The following ARHGEF4 variants were observed in gnomAD, a reference collection of about 807,000 sequenced individuals.
ARHGEF4 encodes APC-stimulated guanine nucleotide exchange factor 1.
ARHGEF4 carries 119 observed loss-of-function variants against 162.0 expected under a neutral mutation model. The observed-to-expected ratio is 0.73, with a 90% CI of 0.63 to 0.86. The LOEUF (loss-of-function observed/expected upper bound fraction) is 0.86. Among genes scored for constraint, ARHGEF4 ranks in the 40% least tolerant of loss-of-function variants. ARHGEF4 has a pLI of 0.00. For synonymous variants in ARHGEF4, 1,014 were observed against 979.9 expected (o/e 1.03, Z -0.65); for missense variants, 2,488 against 2,456.0 (o/e 1.01, Z -0.28).
chr2:130,999,159 T>C (rs1356846302), intron 4 of ARHGEF4, among the ~76,000 whole-genome samples: 1 of 150,404 alleles, frequency 6.6e-6, no homozygotes, highest in Non-Finnish European at 1.5e-5. Context: ...TTTTGTTTTT[T>C]CTTTTTTTTT....
At chr2:131,042,698 CAA>C (rs1690911757) in intron 10 of ARHGEF4, among the ~76,000 whole-genome samples, 1 of 152,224 alleles carries the variant, frequency 6.6e-6, no homozygotes, top group Non-Finnish European at 1.5e-5. Flanking sequence ...CGGGGCTGAG[CAA>C]TAGGGGCAGT....
At chr2:130,922,194 AC>A (rs2105075092) in intron 2 of ARHGEF4, among the ~76,000 whole-genome samples, 1 of 151,606 alleles carries the variant, frequency 6.6e-6, no homozygotes, top group East Asian at 2.0e-4. Flanking sequence ...ACATGGAGAA[AC>A]CCTGTCTCTA....
intron 4 of ARHGEF4, among the ~76,000 whole-genome samples, chr2:130,947,744 C>A (rs1243301603): frequency 6.6e-6 from 1 of 152,188 alleles, no homozygotes; most frequent in African/African-American, 2.4e-5. Flanking sequence ...GTAGAACAAC[C>A]ACCTTCCTCA....
intron 4 of ARHGEF4, among the ~76,000 whole-genome samples, chr2:130,954,324 G>A (rs184557476): frequency 4.8e-4 from 73 of 152,266 alleles, no homozygotes; most frequent in African/African-American, 1.7e-3. Flanking sequence ...AACACTGCAT[G>A]TTCTCACTCA....
chr2:130,925,859 C>A (rs998743076), intron 2 of ARHGEF4, among the ~76,000 whole-genome samples: 2 of 152,084 alleles, frequency 1.3e-5, no homozygotes, highest in South Asian at 2.1e-4. Context: ...GGGTTTATAT[C>A]TTTGGCCAAA....
In ARHGEF4 at chr2:131,000,672, G is replaced by C. The variant is rs1687702045; in HGVS notation, c.3986-27273G>C. On this transcript the variant is annotated intron_variant, in intron 4 of 13. Transcript: ENST00000409359. ...TTTTACCATTATGTGTACATTTTTAGGAGTTGACGTATTTTATCTAGGTTT... is the reference window on the plus strand; with the variant it reads ...TTTTACCATTATGTGTACATTTTTACGAGTTGACGTATTTTATCTAGGTTT... 2.6e-5 allele frequency among the ~76,000 whole-genome samples: 4 copies of C among 152,140 alleles called. No individual in the cohort carries two copies. The South Asian group carries it at 6.2e-4, about 24-fold the overall frequency.
chr2:130,993,211 A>G (rs1351701489), intron 4 of ARHGEF4, among the ~76,000 whole-genome samples: 1 of 152,224 alleles, frequency 6.6e-6, no homozygotes, highest in Non-Finnish European at 1.5e-5. Context: ...ATTATCATTC[A>G]GTTTGAATAT....
At chr2:130,988,910 A>C (rs1287876233) in intron 4 of ARHGEF4, among the ~76,000 whole-genome samples, 1 of 127,688 alleles carries the variant, frequency 7.8e-6, no homozygotes, top group African/African-American at 2.9e-5. Flanking sequence ...ATAGAGAGAG[A>C]GAGAGAGAGA....
chr2:130,916,529 G>C lies in ARHGEF4; in HGVS notation c.2583G>C (p.Pro861=). The C allele has an allele frequency of 1.3e-6, 2 of 1,549,666 alleles. No individual in the cohort carries two copies. Reference sequence around the variant, plus strand: ...CCAGCGCCTGGCCCGAGTTTGTCCCGCAGGCTGCAGGCGACAGGACTGCAG... The same window carrying C: ...CCAGCGCCTGGCCCGAGTTTGTCCCCCAGGCTGCAGGCGACAGGACTGCAG... ...GDASAWPEFV[P]QAAGDRTAGP... Residue 861 remains proline (P), a synonymous_variant, in exon 2 of 14, where the codon CCG becomes CCC. Coordinates refer to ENST00000409359, the MANE Select transcript of ARHGEF4 (RefSeq NM_001367493.1).
intron 1 of ARHGEF4, among the ~76,000 whole-genome samples, chr2:130,867,920 T>C (rs980515251): frequency 3.3e-5 from 5 of 150,922 alleles, no homozygotes; most frequent in Admixed American, 2.0e-4. Context: ...GATGTGTTTT[T>C]TTCTTTTTTT....
intron 4 of ARHGEF4, among the ~76,000 whole-genome samples, chr2:130,954,936 G>A (rs950294887): frequency 1.3e-5 from 2 of 150,626 alleles, no homozygotes; most frequent in African/African-American, 4.9e-5. Flanking sequence ...ACTTAATAGT[G>A]TCCTACACTT....
At chr2:130,849,656 C>G (rs978071785) in intron 1 of ARHGEF4, among the ~76,000 whole-genome samples, 11 of 151,902 alleles carry the variant, frequency 7.2e-5, no homozygotes, top group Non-Finnish European at 1.3e-4. Flanking sequence ...GCAACCTCCT[C>G]CTCCCAGGTT....
intron 1 of ARHGEF4, among the ~76,000 whole-genome samples, chr2:130,854,393 C>T (rs1244613017): frequency 1.3e-5 from 2 of 152,160 alleles, no homozygotes; most frequent in African/African-American, 4.8e-5. Context: ...GGTGGGCACA[C>T]CCTGGGGAAG....
At chr2:131,003,387 TC>T (rs1687906633) in intron 4 of ARHGEF4, among the ~76,000 whole-genome samples, 1 of 152,244 alleles carries the variant, frequency 6.6e-6, no homozygotes, top group Non-Finnish European at 1.5e-5. Context: ...TCCAGTTTCT[TC>T]CTTCTTGATC....
Position 131,040,129 on chromosome 2 carries a change from C to G in ARHGEF4, c.4419C>G (p.Asn1473Lys). The change falls in exon 7 of 14, where the codon AAC (asparagine) becomes AAG (lysine). Residue 1473 changes from asparagine (N) to lysine (K), a missense_variant. Asn to Lys is a moderately conservative substitution (Grantham distance 94, BLOSUM62 0). Coordinates refer to ENST00000409359, the MANE Select transcript of ARHGEF4 (RefSeq NM_001367493.1). ...GCAGCAAGGACCAGATGCGGACCAA[C>G]GTCATCAACGAGATCCTCAGCACTG... ...AQSSKDQMRTNVINEILSTER... is the reference protein window; with the variant it reads ...AQSSKDQMRTKVINEILSTER... 6.2e-7 allele frequency: 1 copy of G among 1,613,298 alleles called. No homozygotes were observed. Among genetic ancestry groups the G allele is most frequent in the Non-Finnish European group, 8.5e-7 (1 of 1,179,736 alleles).
At chr2:130,993,870 G>C (rs1217555999) in intron 4 of ARHGEF4, among the ~76,000 whole-genome samples, 1 of 152,020 alleles carries the variant, frequency 6.6e-6, no homozygotes, top group African/African-American at 2.4e-5. Flanking sequence ...TGCAGCCTCT[G>C]CCTCCCAGGT....
At chr2:130,944,089 G>T (rs1369606334) in intron 3 of ARHGEF4, among the ~76,000 whole-genome samples, 1 of 152,156 alleles carries the variant, frequency 6.6e-6, no homozygotes, top group Non-Finnish European at 1.5e-5. Flanking sequence ...CAGTGATTTA[G>T]CACTTTACAA....
At position 131,040,402 on chromosome 2, in the gene ARHGEF4, C is replaced by T; in HGVS notation, c.4624C>T (p.Pro1542Ser). Residue 1542 changes from proline (P) to serine (S), a missense_variant, in exon 8 of 14, where the codon CCA becomes TCA. Physicochemically the swap from Pro to Ser is moderately conservative, Grantham distance 74. Coordinates refer to ENST00000409359, the MANE Select transcript of ARHGEF4 (RefSeq NM_001367493.1). ...GGAGCAGAGGTTCAACCGCGAGCGC[C>T]CACACCTGAGCGAGCTGGGTGCCTG... is the stretch of plus-strand genomic sequence containing the variant. ...ALEQRFNRER[P>S]HLSELGACFL... The T allele has an allele frequency of 6.2e-7, 1 of 1,606,536 alleles. No individual in the cohort carries two copies. Among genetic ancestry groups the T allele is most frequent in the Non-Finnish European group, 8.5e-7 (1 of 1,176,936 alleles).
At chr2:130,875,121 G>T (rs1021476354) in intron 1 of ARHGEF4, among the ~76,000 whole-genome samples, 4 of 152,076 alleles carry the variant, frequency 2.6e-5, no homozygotes, top group East Asian at 1.9e-4. Flanking sequence ...CTTCTCCCTT[G>T]TTCCCTTTGT....
Sources: gnomAD v4.1 joint callset for allele counts (sites outside exome capture counted in the v4.1 genomes callset) on GRCh38, gnomAD v4.1.1 for gene constraint, MANE v1.5 for transcripts, NCBI Gene and HGNC (gene_info 2026-07-23, HGNC 2026-07-21) for gene names.